Variants in KHDRBS2 observed in about 807,000 individuals in gnomAD.
The protein encoded by KHDRBS2 is KH domain-containing, RNA-binding, signal transduction-associated protein 2.
A neutral mutation model predicts 44.3 loss-of-function variants in KHDRBS2; 26 were observed. The ratio of observed to expected loss-of-function variants is 0.59; its 90% CI spans 0.43 to 0.81. The LOEUF (loss-of-function observed/expected upper bound fraction) is 0.81, where lower values mean the gene tolerates loss of function less well. KHDRBS2 is among the 40% of genes least tolerant of loss of function. The pLI, the probability that KHDRBS2 is intolerant of heterozygous loss-of-function variation, is 0.00. For missense variants in KHDRBS2, 476 were observed against 433.1 expected (o/e 1.10, Z -0.88); for synonymous variants, 194 against 151.1 (o/e 1.28, Z -2.08).
intron 7 of KHDRBS2, among the ~76,000 whole-genome samples, chr6:61,706,133 A>T (rs1248692071): frequency 2.0e-5 from 3 of 151,772 alleles, no homozygotes; most frequent in Non-Finnish European, 4.4e-5. Flanking sequence ...ATCCTCATCC[A>T]ACAACTCATT....
chr6:61,888,596 C>T (rs1801330227), intron 6 of KHDRBS2, among the ~76,000 whole-genome samples: 1 of 136,100 alleles, frequency 7.3e-6, no homozygotes, highest in Admixed American at 8.0e-5. Flanking sequence ...GAGTCTCTCT[C>T]TGTCACCCAG....
the KHDRBS2 span, among the ~76,000 whole-genome samples, chr6:61,635,421 T>C: frequency 6.6e-6 from 1 of 152,012 alleles, no homozygotes; most frequent in African/African-American, 2.4e-5. Flanking sequence ...AAGGATTTAG[T>C]GTTCAAAGGG....
intron 1 of KHDRBS2, among the ~76,000 whole-genome samples, chr6:62,263,541 C>T (rs960582242): frequency 6.6e-6 from 1 of 151,596 alleles, no homozygotes; most frequent in African/African-American, 2.4e-5. Flanking sequence ...TAGAATAATT[C>T]ATATCAATTG....
chr6:61,895,365 A>G (rs1263131539), intron 5 of KHDRBS2, among the ~76,000 whole-genome samples: 2 of 152,184 alleles, frequency 1.3e-5, no homozygotes, highest in Non-Finnish European at 2.9e-5. Flanking sequence ...GAATCTAACC[A>G]TAGTGATATC....
chr6:62,120,639 G>A (rs1807391697), intron 2 of KHDRBS2, among the ~76,000 whole-genome samples: 2 of 152,108 alleles, frequency 1.3e-5, no homozygotes. Flanking sequence ...GGTATTCCTA[G>A]AAGCGAAAAT....
At chr6:61,697,821 C>T (rs1426423685) in intron 7 of KHDRBS2, among the ~76,000 whole-genome samples, 8 of 152,232 alleles carry the variant, frequency 5.3e-5, no homozygotes, top group Middle Eastern at 3.4e-3. Flanking sequence ...AAAGGAAACT[C>T]TCTCTCTGAC....
chr6:61,580,573 AT>A, the KHDRBS2 span, among the ~76,000 whole-genome samples: 1 of 152,284 alleles, frequency 6.6e-6, no homozygotes, highest in South Asian at 2.1e-4. Flanking sequence ...ATGAGCTGTA[AT>A]ACTCAGGGTG....
chr6:61,830,603 G>C (rs1791633148), intron 6 of KHDRBS2, among the ~76,000 whole-genome samples: 1 of 152,080 alleles, frequency 6.6e-6, no homozygotes, highest in Admixed American at 6.5e-5. Flanking sequence ...TTCTCTTCTA[G>C]TTGACAACGA....
At chr6:62,012,568 C>T (rs901046065) in intron 3 of KHDRBS2, among the ~76,000 whole-genome samples, 4 of 152,160 alleles carry the variant, frequency 2.6e-5, no homozygotes, top group Admixed American at 6.6e-5. Flanking sequence ...CACTTTTCTA[C>T]TTATCCTTTA....
At chr6:61,651,975 G>T in the KHDRBS2 span, among the ~76,000 whole-genome samples, 1 of 152,026 alleles carries the variant, frequency 6.6e-6, no homozygotes, top group East Asian at 1.9e-4. Flanking sequence ...GGACAGCAGA[G>T]ATTTTCTTTA....
intron 8 of KHDRBS2, among the ~76,000 whole-genome samples, chr6:61,694,832 T>C (rs1274258709): frequency 6.6e-6 from 1 of 152,164 alleles, no homozygotes; most frequent in East Asian, 1.9e-4. Flanking sequence ...GAGCCAGAAC[T>C]GTGCAGACTT....
chr6:61,969,738 C>T (rs1470438221), intron 4 of KHDRBS2, among the ~76,000 whole-genome samples: 1 of 151,456 alleles, frequency 6.6e-6, no homozygotes, highest in Non-Finnish European at 1.5e-5. Flanking sequence ...ATTTTCAATC[C>T]CTTCAGTATG....
the KHDRBS2 span, among the ~76,000 whole-genome samples, chr6:61,586,212 A>G: frequency 1.8e-4 from 27 of 152,302 alleles, 1 homozygote; most frequent in African/African-American, 6.0e-4. Context: ...TCCTGCTGAT[A>G]TTAATTAGGA....
chr6:61,978,773 T>C (rs995310178), intron 3 of KHDRBS2, among the ~76,000 whole-genome samples: 2 of 152,090 alleles, frequency 1.3e-5, no homozygotes, highest in Non-Finnish European at 2.9e-5. Flanking sequence ...TTTCTATCGC[T>C]TGCTGCCTTT....
At chr6:62,194,856 C>T (rs1484273410) in intron 1 of KHDRBS2, among the ~76,000 whole-genome samples, 1 of 151,974 alleles carries the variant, frequency 6.6e-6, no homozygotes, top group South Asian at 2.1e-4. Flanking sequence ...AAATTTACTA[C>T]ACAAAGTATG....
At chr6:62,053,774 A>G (rs1407701236) in intron 2 of KHDRBS2, among the ~76,000 whole-genome samples, 1 of 151,980 alleles carries the variant, frequency 6.6e-6, no homozygotes, top group African/African-American at 2.4e-5. Flanking sequence ...TATTATAAAT[A>G]TCAGAAAGTA....
intron 3 of KHDRBS2, among the ~76,000 whole-genome samples, chr6:62,025,190 C>T (rs1475915291): frequency 6.6e-6 from 1 of 151,514 alleles, no homozygotes; most frequent in Non-Finnish European, 1.5e-5. Context: ...CTTTTCCAGC[C>T]AAAGAGACAG....
At chr6:61,683,201 A>G (rs1379084874) in intron 8 of KHDRBS2, among the ~76,000 whole-genome samples, 8 of 151,850 alleles carry the variant, frequency 5.3e-5, no homozygotes, top group Non-Finnish European at 1.0e-4. Context: ...GCGGAGTGAC[A>G]GAATACTTGT....
At chr6:61,833,942 A>G (rs1583069708) in intron 6 of KHDRBS2, among the ~76,000 whole-genome samples, 1 of 152,096 alleles carries the variant, frequency 6.6e-6, no homozygotes. Context: ...AAGTGTTTCT[A>G]TGCAACAGCC....
Sources: allele counts gnomAD v4.1 joint callset (sites outside exome capture counted in the v4.1 genomes callset), GRCh38; gene constraint gnomAD v4.1.1; transcripts MANE v1.5; gene names NCBI Gene and HGNC (gene_info 2026-07-23, HGNC 2026-07-21).